SIGLEC6: variants seen among roughly 807,000 people sequenced by gnomAD.
SIGLEC6 encodes sialic acid binding Ig like lectin 6, also known as sialic acid-binding Ig-like lectin 6.
A neutral mutation model predicts 41.4 loss-of-function variants in SIGLEC6; 31 were observed. The ratio of observed to expected loss-of-function variants is 0.75; its 90% CI spans 0.56 to 1.01. The LOEUF (loss-of-function observed/expected upper bound fraction) is 1.01. Ranked by LOEUF, SIGLEC6 falls within the 50% of genes least tolerant of loss-of-function variation. The pLI is 0.00. For synonymous variants in SIGLEC6, 217 were observed against 231.0 expected (o/e 0.94, Z 0.55); for missense variants, 555 against 558.6 (o/e 0.99, Z 0.06).
rs138972072 is a variant in SIGLEC6 at position 51,522,562 on chromosome 19, A to C, written c.1189-2307T>G. ...AACTTTGGGAGGCTGAGGTGGGCAG[A>C]TTGATTTGAGCTCAGGAGTTCGAGA... On this transcript the variant is annotated intron_variant, in intron 7 of 7. Coordinates refer to ENST00000425629, the MANE Select transcript of SIGLEC6 (RefSeq NM_001245.7). Among the ~76,000 whole-genome samples the C allele has an allele frequency of 5.3e-5, 8 of 152,334 alleles. No individual in the cohort carries two copies. The East Asian group carries it at 1.5e-3, about 29-fold the overall frequency.
intron 7 of SIGLEC6, among the ~76,000 whole-genome samples, chr19:51,522,583 C>T (rs1036928837): frequency 3.3e-5 from 5 of 152,168 alleles, no homozygotes; most frequent in Middle Eastern, 3.4e-3. Context: ...CTCAGGAGTT[C>T]GAGACCAGCC....
intron 5 of SIGLEC6, 66 bp downstream of exon 5, chr19:51,529,658 T>G: frequency 2.5e-6 from 4 of 1,600,138 alleles, no homozygotes; most frequent in Non-Finnish European, 3.4e-6. Context: ...CAGGGGCCTC[T>G]TCTCTGAATA....
chr19:51,525,230 C>T (rs1003296240), intron 7 of SIGLEC6, among the ~76,000 whole-genome samples: 6 of 152,142 alleles, frequency 3.9e-5, no homozygotes, highest in Admixed American at 6.5e-5. Flanking sequence ...CCCAGCATAG[C>T]CACCTCACCC....
At chr19:51,528,550 T>G (rs906043693) in intron 5 of SIGLEC6, 7 of 437,870 alleles carry the variant, frequency 1.6e-5, no homozygotes, top group Admixed American at 7.2e-5. Context: ...CCACAATTCC[T>G]ATTTTGAAGT....
In SIGLEC6 at chr19:51,530,423, T is replaced by G; in HGVS notation, c.754+14A>C. On this transcript the variant is annotated intron_variant, in intron 4 of 7. Transcript: ENST00000425629. Reference sequence around the variant, plus strand: ...CATCTGGCCCTGGAGAGAACAGGACTGGCTGGTTCCTACCTGCGCTGTTTC... The same window carrying G: ...CATCTGGCCCTGGAGAGAACAGGACGGGCTGGTTCCTACCTGCGCTGTTTC... The G allele has an allele frequency of 6.2e-7, 1 of 1,613,110 alleles. No individual in the cohort carries two copies. The highest frequency in any genetic ancestry group is 8.5e-7 in the Non-Finnish European group (1 of 1,179,112).
In SIGLEC6 at chr19:51,531,494, G is replaced by A. The variant is rs267605621; in HGVS notation, c.93C>T (p.Phe31=). 5.5e-4 allele frequency: 887 copies of A among 1,613,808 alleles called. 7 individuals are homozygous for A. In the South Asian group the frequency reaches 9.3e-3, roughly 17 times the overall value. The change falls in exon 2 of 8, where the codon TTC becomes TTT. Residue 31 remains phenylalanine (F), a synonymous_variant. Coordinates refer to ENST00000425629, the MANE Select transcript of SIGLEC6 (RefSeq NM_001245.7). ...WAGALAQERR[F]QLEGPESLTV... The stretch of plus-strand genomic sequence containing the variant: ...TCAGTGACTCTGGCCCCTCCAGCTG[G>A]AATCTCCGCTCCTGAGCCAGGGCCC...
chr19:51,525,295 C>T (rs1979021781), intron 7 of SIGLEC6, among the ~76,000 whole-genome samples: 1 of 152,110 alleles, frequency 6.6e-6, no homozygotes, highest in Admixed American at 6.5e-5. Context: ...ACAGGGCTCC[C>T]AGAGGTAACA....
intron 7 of SIGLEC6, among the ~76,000 whole-genome samples, chr19:51,526,523 G>A (rs551765233): frequency 3.9e-5 from 6 of 152,266 alleles, no homozygotes; most frequent in African/African-American, 1.2e-4. Context: ...TTCTGAAAAC[G>A]TCCAGAAACA....
chr19:51,531,341 G>C lies in SIGLEC6; in HGVS notation c.246C>G (p.Asp82Glu), dbSNP rs371192887. The C allele has an allele frequency of 1.9e-6, 3 of 1,613,996 alleles. No homozygotes were observed. Among genetic ancestry groups the C allele is most frequent in the African/African-American group, 1.3e-5 (1 of 74,872 alleles). The part of the protein sequence containing the change: ...ADVPVATNDP[D>E]EEVQEETRGR... The stretch of plus-strand genomic sequence containing the variant: ...CCCGGGTCTCCTCCTGCACTTCTTC[G>C]TCTGGGTCGTTTGTGGCCACTGGAA... Residue 82 changes from aspartate (D) to glutamate (E), a missense_variant, in exon 2 of 8, where the codon GAC (aspartate) becomes GAG (glutamate). Coordinates refer to ENST00000425629, the MANE Select transcript of SIGLEC6 (RefSeq NM_001245.7).
chr19:51,528,128 T>A, intron 6 of SIGLEC6, 32 bp downstream of exon 6: 1 of 1,586,926 alleles, frequency 6.3e-7, no homozygotes, highest in Non-Finnish European at 8.7e-7. Context: ...CCACATGAAG[T>A]CTTTCTGTGC....
intron 5 of SIGLEC6, 23 bp downstream of exon 5, chr19:51,529,701 C>T (rs986297852): frequency 6.2e-7 from 1 of 1,613,388 alleles, no homozygotes; most frequent in Non-Finnish European, 8.5e-7. Context: ...CCCACACTCT[C>T]GCGCACCTCC....
At chr19:51,523,151 A>T (rs1043805845) in intron 7 of SIGLEC6, among the ~76,000 whole-genome samples, 42 of 152,166 alleles carry the variant, frequency 2.8e-4, no homozygotes, top group African/African-American at 1.0e-3. Context: ...GGAAAAAAAA[A>T]ATAAACTGAA....
At chr19:51,523,437 A>G (rs1445974884) in intron 7 of SIGLEC6, among the ~76,000 whole-genome samples, 1 of 152,260 alleles carries the variant, frequency 6.6e-6, no homozygotes, top group East Asian at 1.9e-4. Context: ...ATGTTTTCAC[A>G]ATACCAAGTC....
chr19:51,526,798 T>C (rs567324636), intron 7 of SIGLEC6, among the ~76,000 whole-genome samples: 1 of 152,194 alleles, frequency 6.6e-6, no homozygotes, highest in African/African-American at 2.4e-5. Flanking sequence ...ATCAAAGGAA[T>C]CCAGTAAAAC....
intron 7 of SIGLEC6, among the ~76,000 whole-genome samples, 192 bp downstream of exon 7, chr19:51,527,555 G>A (rs1338675634): frequency 6.6e-6 from 1 of 152,116 alleles, no homozygotes; most frequent in Non-Finnish European, 1.5e-5. Flanking sequence ...ATTAGATTCA[G>A]TTCCAAATGT....
chr19:51,528,015 A>G, intron 6 of SIGLEC6, 145 bp downstream of exon 6: 1 of 886,148 alleles, frequency 1.1e-6, no homozygotes, highest in Non-Finnish European at 1.8e-6. Context: ...CAACGGGGTA[A>G]TTCACACCAC....
chr19:51,524,660 T>C (rs1177904327), intron 7 of SIGLEC6, among the ~76,000 whole-genome samples: 1 of 152,208 alleles, frequency 6.6e-6, no homozygotes, highest in Non-Finnish European at 1.5e-5. Flanking sequence ...CATGTACTTA[T>C]ACTACCAGTT....
In SIGLEC6 at chr19:51,527,803, C is replaced by G. The variant is rs934514014; in HGVS notation, c.1132G>C (p.Ala378Pro). The change falls in exon 7 of 8, where the codon GCC becomes CCC. Residue 378 changes from alanine to proline, a missense_variant. Coordinates refer to ENST00000425629, the MANE Select transcript of SIGLEC6 (RefSeq NM_001245.7). ...TCATCCGTGTTTTGCACTGGCTGGGCTGCTTTCTTCCTTCTAGTCTTCACT... is the reference window on the plus strand; with the variant it reads ...TCATCCGTGTTTTGCACTGGCTGGGGTGCTTTCTTCCTTCTAGTCTTCACT... ...FRVKTRRKKA[A>P]QPVQNTDDVN... 1 of 1,614,128 alleles carries G rather than the reference C, an allele frequency of 6.2e-7. No homozygotes were observed.
At chr19:51,523,503 C>T (rs896255899) in intron 7 of SIGLEC6, among the ~76,000 whole-genome samples, 12 of 152,196 alleles carry the variant, frequency 7.9e-5, no homozygotes, top group African/African-American at 2.7e-4. Flanking sequence ...GAAAACCACA[C>T]CTAGGCATGT....
Sources: allele counts gnomAD v4.1 joint callset (sites outside exome capture counted in the v4.1 genomes callset), GRCh38; gene constraint gnomAD v4.1.1; transcripts MANE v1.5; gene names NCBI Gene and HGNC (gene_info 2026-07-23, HGNC 2026-07-21).